RNF150: variants seen among roughly 807,000 people sequenced by gnomAD.
RNF150 encodes the protein ring finger protein 150.
In RNF150, 24 loss-of-function variants were observed where a neutral mutation model predicts 39.3. That is an observed-to-expected ratio of 0.61 (90% CI 0.44 to 0.86). The LOEUF is 0.86. Ranked by LOEUF, RNF150 falls within the 40% of genes least tolerant of loss-of-function variation. The probability of loss-of-function intolerance (pLI) is 0.00; values close to 1 mark genes in which losing one functional copy is unlikely to be tolerated. For synonymous variants in RNF150, 255 were observed against 227.3 expected, an observed-to-expected ratio of 1.12 and a Z score of -1.10; for missense variants, 502 against 587.8, an observed-to-expected ratio of 0.85 and a Z score of 1.51.
intron 4 of RNF150, among the ~76,000 whole-genome samples, chr4:140,935,059 TATATATATAATATATATATAATATATATA>T (rs1731805670): frequency 2.0e-5 from 1 of 48,910 alleles, no homozygotes; most frequent in African/African-American, 1.2e-4. Flanking sequence ...ATATATATTA[TATATATATAATATATATATAATATATATA>T]ATAAATATAT....
intron 1 of RNF150, among the ~76,000 whole-genome samples, chr4:141,053,436 G>A (rs1329857685): frequency 2.0e-5 from 3 of 152,142 alleles, no homozygotes; most frequent in East Asian, 1.9e-4. Context: ...AGAAGGGAGT[G>A]ATATATGAGT....
At chr4:140,915,767 C>T (rs1393428993) in intron 5 of RNF150, among the ~76,000 whole-genome samples, 1 of 152,174 alleles carries the variant, frequency 6.6e-6, no homozygotes, top group Non-Finnish European at 1.5e-5. Context: ...GTCCCTGACC[C>T]CCGAGTAGCC....
At chr4:141,136,678 C>T (rs571090928), upstream of RNF150, among the ~76,000 whole-genome samples, 12 of 152,258 alleles carry the variant, frequency 7.9e-5, no homozygotes, top group East Asian at 3.9e-4. Flanking sequence ...CACCTGTTAA[C>T]GCATTGGTGT....
intron 6 of RNF150, among the ~76,000 whole-genome samples, chr4:140,906,076 T>C (rs1730362105): frequency 6.6e-6 from 1 of 152,114 alleles, no homozygotes; most frequent in South Asian, 2.1e-4. Flanking sequence ...GGGTATGTGT[T>C]TGCAACTTAG....
intron 4 of RNF150, among the ~76,000 whole-genome samples, chr4:140,932,356 A>T (rs1286608218): frequency 6.6e-6 from 1 of 152,240 alleles, no homozygotes; most frequent in Non-Finnish European, 1.5e-5. Flanking sequence ...ACTATGTACC[A>T]GGCATGTTAC....
At position 141,088,111 on chromosome 4, in the gene RNF150, A is replaced by G. The variant is rs148243069; in HGVS notation, c.484+44214T>C. Among the ~76,000 whole-genome samples the G allele has an allele frequency of 1.5e-3, 224 of 152,344 alleles. 1 individual carries two copies. Among genetic ancestry groups the G allele is most frequent in the African/African-American group, 5.3e-3 (220 of 41,574 alleles). Reference sequence around the variant, plus strand: ...TTTCTGAGCCTCCATTTGGTCATATATAAACTGAGATGTCAAAAACTACTT... The same window carrying G: ...TTTCTGAGCCTCCATTTGGTCATATGTAAACTGAGATGTCAAAAACTACTT... On this transcript the variant is annotated intron_variant, in intron 1 of 6. Coordinates refer to ENST00000515673, the MANE Select transcript of RNF150 (RefSeq NM_020724.2).
At chr4:140,947,519 T>G (rs1732365518) in intron 4 of RNF150, 135 bp downstream of exon 4, 1 of 691,996 alleles carries the variant, frequency 1.4e-6, no homozygotes. Flanking sequence ...GTTAGGGTTG[T>G]CTGCAATAGA....
Position 141,154,162 on chromosome 4 carries a change from A to T in RNF150, c.-6+58632T>A, listed in dbSNP as rs141099109. On this transcript the variant is annotated intron_variant, in intron 1 of 7. Transcript: ENST00000420921. ...TAGACACATCATTTTAAGACTGCCCACAGAGTAAACAACAGGAGGAGCTCT... is the reference window on the plus strand; with the variant it reads ...TAGACACATCATTTTAAGACTGCCCTCAGAGTAAACAACAGGAGGAGCTCT... 6.3e-3 allele frequency among the ~76,000 whole-genome samples: 958 copies of T among 152,310 alleles called. 8 individuals carry two copies. The highest frequency in any genetic ancestry group is 0.021 in the African/African-American group (890 of 41,554).
rs1278231357 is a variant in RNF150 at position 141,099,919 on chromosome 4, T to C, written c.484+32406A>G. Among the ~76,000 whole-genome samples, 4 of 152,202 alleles carry C rather than the reference T, an allele frequency of 2.6e-5. No homozygotes were observed. The East Asian group carries it at 7.7e-4, about 29-fold the overall frequency. On this transcript the variant is annotated intron_variant, in intron 1 of 6. Coordinates refer to ENST00000515673, the MANE Select transcript of RNF150 (RefSeq NM_020724.2). ...ATGATACTGTGATTGTGACTATGTA[T>C]GTTTTAGTAGGGTATTTGGTTTGGA...
intron 1 of RNF150, among the ~76,000 whole-genome samples, chr4:141,157,889 A>G (rs1304268448): frequency 2.6e-5 from 4 of 152,166 alleles, no homozygotes; most frequent in Non-Finnish European, 5.9e-5. Context: ...AGGTTATTGC[A>G]TTTGCTCTAT....
At chr4:141,046,096 G>A (rs1254751897) in intron 1 of RNF150, among the ~76,000 whole-genome samples, 1 of 152,048 alleles carries the variant, frequency 6.6e-6, no homozygotes, top group Non-Finnish European at 1.5e-5. Context: ...ACATATAGAA[G>A]ATGGACAGAA....
chr4:141,169,729 T>G (rs2111170254), intron 1 of RNF150, among the ~76,000 whole-genome samples: 1 of 152,344 alleles, frequency 6.6e-6, no homozygotes, highest in East Asian at 1.9e-4. Context: ...TTTCACCTTT[T>G]AGGTCTAGCC....
chr4:140,869,955 A>C (rs549503978), intron 6 of RNF150, among the ~76,000 whole-genome samples: 1 of 152,330 alleles, frequency 6.6e-6, no homozygotes, highest in African/African-American at 2.4e-5. Context: ...CAATTAAAAA[A>C]ACCAACAAAA....
rs1052401810 is a variant in RNF150, at chr4:141,198,847, A to G, written c.-6+13947T>C. 2.0e-5 allele frequency among the ~76,000 whole-genome samples: 3 copies of G among 152,256 alleles called. No homozygotes were observed. The East Asian group carries it at 5.8e-4, about 29-fold the overall frequency. ...AGCTAAACAAAAGTAGGCTTTTACA[A>G]CACCAAAAGCATAATTCATCAAATA... is the stretch of plus-strand genomic sequence containing the variant. On this transcript the variant is annotated intron_variant, in intron 1 of 7. Transcript: ENST00000420921.
chr4:140,965,924 T>G (rs1165978231), intron 2 of RNF150, among the ~76,000 whole-genome samples: 4 of 152,160 alleles, frequency 2.6e-5, no homozygotes, highest in Non-Finnish European at 5.9e-5. Flanking sequence ...CAAAAAACTA[T>G]GTGAGACAAT....
chr4:140,999,858 C>G (rs1220873542), intron 1 of RNF150, among the ~76,000 whole-genome samples: 3 of 150,642 alleles, frequency 2.0e-5, no homozygotes, highest in Non-Finnish European at 4.4e-5. Flanking sequence ...TCTCTTGAAT[C>G]TGGGAGGCAG....
chr4:141,102,238 G>A (rs1233887359), intron 1 of RNF150, among the ~76,000 whole-genome samples: 2 of 152,086 alleles, frequency 1.3e-5, no homozygotes, highest in Non-Finnish European at 2.9e-5. Flanking sequence ...TCTTCAATAC[G>A]AATGCTGTTA....
intron 1 of RNF150, among the ~76,000 whole-genome samples, chr4:141,097,912 T>C (rs1738860365): frequency 6.6e-6 from 1 of 152,154 alleles, no homozygotes; most frequent in South Asian, 2.1e-4. Flanking sequence ...TGGTTTTCCT[T>C]GAGATTTGAG....
chr4:141,103,245 T>C (rs1325629896), intron 1 of RNF150, among the ~76,000 whole-genome samples: 1 of 152,200 alleles, frequency 6.6e-6, no homozygotes, highest in Non-Finnish European at 1.5e-5. Context: ...ATCTGCACAA[T>C]TGAGGAAAAT....
Sources: gnomAD v4.1 joint callset for allele counts (sites outside exome capture counted in the v4.1 genomes callset) on GRCh38, gnomAD v4.1.1 for gene constraint, MANE v1.5 for transcripts, NCBI Gene and HGNC (gene_info 2026-07-23, HGNC 2026-07-21) for gene names.